The following PCNX2 variants were observed in gnomAD, a reference collection of about 807,000 sequenced individuals.
PCNX2 encodes the protein pecanex-like protein 2.
PCNX2 carries 168 observed loss-of-function variants against 223.8 expected under a neutral mutation model. That is an observed-to-expected ratio of 0.75 (90% CI 0.66 to 0.85). The LOEUF (loss-of-function observed/expected upper bound fraction) is 0.85, where lower values mean the gene tolerates loss of function less well. Ranked by LOEUF, PCNX2 falls within the 40% of genes least tolerant of loss-of-function variation. The pLI is 0.00. For missense variants in PCNX2, 2,507 were observed against 2,675.5 expected, an observed-to-expected ratio of 0.94 and a Z score of 1.39; for synonymous variants, 1,006 against 1,052.6, an observed-to-expected ratio of 0.96 and a Z score of 0.86.
chr1:233,091,758 T>TC (rs1673885858), intron 22 of PCNX2, among the ~76,000 whole-genome samples: 1 of 151,250 alleles, frequency 6.6e-6, no homozygotes, highest in South Asian at 2.1e-4. Flanking sequence ...AATCATGATT[T>TC]TTTTTTTTTC....
intron 28 of PCNX2, among the ~76,000 whole-genome samples, chr1:233,010,720 C>T (rs1670436611): frequency 6.6e-6 from 1 of 152,188 alleles, no homozygotes; most frequent in South Asian, 2.1e-4. Flanking sequence ...TTGTCACATC[C>T]ATATGAACCC....
chr1:233,052,265 C>T (rs10489576), intron 25 of PCNX2, among the ~76,000 whole-genome samples: 18,330 of 152,126 alleles, frequency 0.12, 1,226 homozygotes, highest in East Asian at 0.26. Flanking sequence ...TCCAAAGAAC[C>T]GAGATAACTG....
chr1:233,325,011 C>T, the PCNX2 span, among the ~76,000 whole-genome samples: 1 of 152,144 alleles, frequency 6.6e-6, no homozygotes, highest in Non-Finnish European at 1.5e-5. Context: ...TAGAGATGCA[C>T]GAGGAGATAA....
intron 25 of PCNX2, among the ~76,000 whole-genome samples, chr1:233,030,276 G>A (rs1671219423): frequency 6.6e-6 from 1 of 151,776 alleles, no homozygotes; most frequent in Admixed American, 6.6e-5. Context: ...AGTTTTTGGT[G>A]TACTTTTCCT....
chr1:233,250,905 T>G, intron 7 of PCNX2, 73 bp from the exon 8 acceptor site: 1 of 1,458,044 alleles, frequency 6.9e-7, no homozygotes, highest in East Asian at 2.5e-5. Context: ...CTTATACAAT[T>G]TTCAAGTTAA....
At chr1:233,208,031 C>A (rs1681583355) in intron 13 of PCNX2, among the ~76,000 whole-genome samples, 1 of 152,030 alleles carries the variant, frequency 6.6e-6, no homozygotes, top group Admixed American at 6.5e-5. Flanking sequence ...TCTTGGCTCA[C>A]CGCAACCTCT....
Position 233,139,541 on chromosome 1 carries a change from CAAT to C in PCNX2, c.3659+170_3659+172del, listed in dbSNP as rs1406540372. On this transcript the variant is annotated intron_variant, in intron 20 of 33. Coordinates refer to ENST00000258229, the MANE Select transcript of PCNX2 (RefSeq NM_014801.4). The surrounding 1 kb of genome is among the most constrained non-coding windows in gnomAD (Gnocchi z 4.4). ...CTTCATTTGCACCCCAGTCATTCTACAATAACTGTCTAGCTCCAGTGGGTTTTG... is the reference window on the plus strand; with the variant it reads ...CTTCATTTGCACCCCAGTCATTCTACAACTGTCTAGCTCCAGTGGGTTTTG... Among the ~76,000 whole-genome samples the C allele has an allele frequency of 3.3e-5, 5 of 152,202 alleles. No individual in the cohort carries two copies. The highest frequency in any genetic ancestry group is 9.6e-5 in the African/African-American group (4 of 41,454).
chr1:233,068,516 T>C (rs1027554762), intron 23 of PCNX2, among the ~76,000 whole-genome samples: 3 of 152,114 alleles, frequency 2.0e-5, no homozygotes, highest in Admixed American at 6.5e-5. Context: ...TCAAAAATTA[T>C]ATAGTTGTCA....
chr1:233,159,629 T>C (rs1222672140), intron 19 of PCNX2, among the ~76,000 whole-genome samples: 2 of 152,230 alleles, frequency 1.3e-5, no homozygotes, highest in Non-Finnish European at 2.9e-5. Context: ...AACAGGGAAT[T>C]ACAGAGCAAG....
chr1:233,141,616 T>C (rs1226162397), intron 19 of PCNX2, among the ~76,000 whole-genome samples: 1 of 152,048 alleles, frequency 6.6e-6, no homozygotes, highest in East Asian at 1.9e-4. Context: ...GAAGTTGCAG[T>C]GAGCCGAGAT....
chr1:233,024,497 C>T (rs1457919302), intron 26 of PCNX2, among the ~76,000 whole-genome samples: 1 of 152,188 alleles, frequency 6.6e-6, no homozygotes, highest in African/African-American at 2.4e-5. Context: ...TCGCCTGCCC[C>T]TTCCCCTTCA....
chr1:233,159,407 T>C (rs1226648625), intron 19 of PCNX2, among the ~76,000 whole-genome samples: 2 of 152,230 alleles, frequency 1.3e-5, no homozygotes, highest in African/African-American at 4.8e-5. Flanking sequence ...AGTTCAGTAC[T>C]TTAAGTCCAC....
Position 233,224,191 on chromosome 1 carries a change from G to A in PCNX2, c.2504+3035C>T, listed in dbSNP as rs150307429. ...CACAGAAGGGCAACTTCTTATTTCAGATGCTGACCTGATCGACTAGATAAA... is the reference window on the plus strand; with the variant it reads ...CACAGAAGGGCAACTTCTTATTTCAAATGCTGACCTGATCGACTAGATAAA... On this transcript the variant is annotated intron_variant, in intron 10 of 33. Coordinates refer to ENST00000258229, the MANE Select transcript of PCNX2 (RefSeq NM_014801.4). Among the ~76,000 whole-genome samples the A allele has an allele frequency of 2.1e-3, 322 of 152,322 alleles. 1 individual carries two copies. The highest frequency in any genetic ancestry group is 0.012 in the South Asian group (57 of 4,826).
At chr1:233,053,327 G>T (rs1672073805) in intron 25 of PCNX2, among the ~76,000 whole-genome samples, 2 of 151,964 alleles carry the variant, frequency 1.3e-5, no homozygotes, top group African/African-American at 4.8e-5. Flanking sequence ...CCCTGCACTG[G>T]GGACATTCTT....
rs1166566027 is a variant in PCNX2, at chr1:233,143,909, A to AT, written c.3518-4055dup. On this transcript the variant is annotated intron_variant, in intron 19 of 33. Coordinates refer to ENST00000258229, the MANE Select transcript of PCNX2 (RefSeq NM_014801.4). ...TCCCCCATTCTCCTGCATTACTTGG[A>AT]TTTTTTTCTCTTTACCGAATCATTC... is the stretch of plus-strand genomic sequence containing the variant. Among the ~76,000 whole-genome samples, 8 of 151,880 alleles carry AT rather than the reference A, an allele frequency of 5.3e-5. No individual in the cohort carries two copies. The East Asian group carries it at 1.5e-3, about 29-fold the overall frequency.
rs1454246489 is a variant in PCNX2 at position 233,139,854 on chromosome 1, A to G, written c.3519T>C (p.Asp1173=). 1.9e-6 allele frequency: 3 copies of G among 1,610,918 alleles called. No homozygotes were observed. Among genetic ancestry groups the G allele is most frequent in the African/African-American group, 1.3e-5 (1 of 74,760 alleles). Residue 1173 remains aspartate, a splice_region_variant and synonymous_variant, in exon 20 of 34, where the codon GAT becomes GAC. Transcript: ENST00000258229. This position sits in a 1 kb window ranked among gnomAD's most constrained non-coding sequence, Gnocchi z 4.4. ...NKEYHQREVR[D]VAHLMWFERL... ...TTTCGAACCACATTAAATGGGCAACATCTGAAAGAAATATAAAAACCACTT... is the reference window on the plus strand; with the variant it reads ...TTTCGAACCACATTAAATGGGCAACGTCTGAAAGAAATATAAAAACCACTT...
rs141667868 is a variant in PCNX2, at chr1:233,217,083, G to A, written c.2691+816C>T. Among the ~76,000 whole-genome samples the A allele has an allele frequency of 6.3e-3, 962 of 152,220 alleles. 13 individuals carry two copies. Among genetic ancestry groups the A allele is most frequent in the African/African-American group, 0.021 (880 of 41,534 alleles). ...GTGGGATGGGGAATGAGGAAAGATT[G>A]GCTAAAGGGTACAAAGTTTCAGCTG... On this transcript the variant is annotated intron_variant, in intron 12 of 33. Transcript: ENST00000258229.
At position 233,161,268 on chromosome 1, in the gene PCNX2, T is replaced by A; in HGVS notation, c.3366+3A>T. ...GAAGAGTACAAAGTTGGTGGATACA[T>A]ACTCGCAATGACAGGAATACAGTGC... On this transcript the variant is annotated splice_donor_region_variant and intron_variant, in intron 18 of 33. Transcript: ENST00000258229. 6.2e-7 allele frequency: 1 copy of A among 1,612,226 alleles called. No homozygotes were observed. Among genetic ancestry groups the A allele is most frequent in the Non-Finnish European group, 8.5e-7 (1 of 1,178,428 alleles).
intron 15 of PCNX2, among the ~76,000 whole-genome samples, chr1:233,197,763 A>G (rs1324002283): frequency 6.6e-6 from 1 of 152,198 alleles, no homozygotes; most frequent in Non-Finnish European, 1.5e-5. Flanking sequence ...GGAAATAAAC[A>G]ATTATCTTTC....
Sources: gnomAD v4.1 joint callset for allele counts (sites outside exome capture counted in the v4.1 genomes callset) on GRCh38, gnomAD v4.1.1 for gene constraint, Gnocchi (gnomAD v3.1) non-coding constraint, MANE v1.5 for transcripts, NCBI Gene and HGNC (gene_info 2026-07-23, HGNC 2026-07-21) for gene names.